Variants in NAF1 observed in about 807,000 individuals in gnomAD.
NAF1 encodes nuclear assembly factor 1 ribonucleoprotein.
Under a neutral mutation model 40.6 loss-of-function variants are expected in NAF1, and 11 were observed. The ratio of observed to expected loss-of-function variants is 0.27; its 90% CI spans 0.17 to 0.45. The LOEUF (loss-of-function observed/expected upper bound fraction) is 0.45. Ranked by LOEUF, NAF1 falls within the 20% of genes least tolerant of loss-of-function variation. NAF1 has a pLI of 1.00. For synonymous variants in NAF1, 260 were observed against 228.5 expected (o/e 1.14, Z -1.24); for missense variants, 607 against 611.1 (o/e 0.99, Z 0.07).
chr4:163,133,313 T>C (rs994727051), intron 6 of NAF1, 57 bp from the exon 7 acceptor site: 1 of 1,353,970 alleles, frequency 7.4e-7, no homozygotes. Context: ...AATTCAATAG[T>C]ACATACTTGG....
downstream of NAF1, chr4:163,127,127 A>T: frequency 6.5e-7 from 1 of 1,549,570 alleles, no homozygotes. Context: ...TGGGGTAAAG[A>T]AATGGACAGA....
chr4:163,140,304 C>T lies in NAF1; in HGVS notation c.797G>A (p.Gly266Asp), dbSNP rs751378645. The change falls in exon 5 of 8, where the codon GGT (glycine) becomes GAT (aspartate). Residue 266 changes from glycine to aspartate, a missense_variant. By Grantham distance (94) the Gly-to-Asp change is moderately conservative. This residue lies in a region of NAF1 where 407 missense variants were observed against 365.5 expected (regional missense o/e 1.11). Coordinates refer to ENST00000274054, the MANE Select transcript of NAF1 (RefSeq NM_138386.3). Reference protein sequence around the residue: ...FNSSDHIESKGIKIKETMYFA... With the variant: ...FNSSDHIESKDIKIKETMYFA... ...ATACATAGTCTCCTTTATTTTAATA[C>T]CTTTACTCTCAATGTGATCTGAAGA... 1.9e-6 allele frequency: 3 copies of T among 1,608,616 alleles called. No homozygotes were observed. In the African/African-American group the frequency reaches 4.0e-5, roughly 22 times the overall value.
At chr4:163,161,665 A>G (rs949776491) in intron 2 of NAF1, among the ~76,000 whole-genome samples, 11 of 152,166 alleles carry the variant, frequency 7.2e-5, no homozygotes, top group Non-Finnish European at 1.6e-4. Flanking sequence ...CTGAGGTAAT[A>G]TGAGTCTCTG....
At chr4:163,132,708 T>A (rs1012756775) in intron 7 of NAF1, among the ~76,000 whole-genome samples, 7 of 152,204 alleles carry the variant, frequency 4.6e-5, no homozygotes, top group Non-Finnish European at 7.3e-5. Flanking sequence ...TGCAAGATGT[T>A]GCAACTGGGG....
At chr4:163,110,800 T>C (rs1415866611) in intron 2 of NAF1, among the ~76,000 whole-genome samples, 1 of 152,196 alleles carries the variant, frequency 6.6e-6, no homozygotes, top group Non-Finnish European at 1.5e-5. Flanking sequence ...CTCTAGCACT[T>C]TGTAGCGTAG....
At chr4:163,151,600 A>G (rs1224799722) in intron 2 of NAF1, among the ~76,000 whole-genome samples, 1 of 152,126 alleles carries the variant, frequency 6.6e-6, no homozygotes. Flanking sequence ...GATCTAGTTC[A>G]GTGTCAGTAC....
chr4:163,139,429 C>T (rs1205857904), intron 5 of NAF1, among the ~76,000 whole-genome samples: 1 of 151,924 alleles, frequency 6.6e-6, no homozygotes, highest in African/African-American at 2.4e-5. Context: ...TTCATTACAT[C>T]ATTCGAAAGC....
chr4:163,164,904 C>T (rs1311455881), intron 1 of NAF1, among the ~76,000 whole-genome samples: 5 of 152,188 alleles, frequency 3.3e-5, no homozygotes, highest in African/African-American at 4.8e-5. Flanking sequence ...TCCTTATCTT[C>T]CACAGAAATT....
chr4:163,123,850 A>T (rs1180217321), downstream of NAF1, among the ~76,000 whole-genome samples: 2 of 152,252 alleles, frequency 1.3e-5, no homozygotes. Flanking sequence ...TTCTCCATAG[A>T]AAGTGAGAAA....
Position 163,129,007 on chromosome 4 carries a change from G to T in NAF1, c.1375C>A (p.His459Asn). The part of the protein sequence containing the change: ...MGWATPNMAA[H>N]PLLNLPYSLP... ...GAGTATGGTAAGTTAAGTAATGGAT[G>T]AGCAGCCATGTTTGGTGTAGCCCAA... is the stretch of plus-strand genomic sequence containing the variant. The change falls in exon 8 of 8, where the codon CAT (histidine) becomes AAT (asparagine). Residue 459 changes from histidine (H) to asparagine (N), a missense_variant. Coordinates refer to ENST00000274054, the MANE Select transcript of NAF1 (RefSeq NM_138386.3). The T allele has an allele frequency of 6.9e-7, 1 of 1,447,364 alleles. No homozygotes were observed. The highest frequency in any genetic ancestry group is 9.2e-7 in the Non-Finnish European group (1 of 1,083,816). 89.7% of individuals were successfully genotyped at this position (1,447,364 alleles called of 1,614,324 possible).
intron 5 of NAF1, among the ~76,000 whole-genome samples, chr4:163,137,996 T>TCTTTTTAATTTTGTTA (rs2110921145): frequency 6.6e-6 from 1 of 152,306 alleles, no homozygotes; most frequent in South Asian, 2.1e-4. Context: ...TCATTTTTAA[T>TCTTTTTAATTTTGTTA]CTTTTTAATT....
At chr4:163,139,156 C>G (rs949604413) in intron 5 of NAF1, among the ~76,000 whole-genome samples, 3 of 152,012 alleles carry the variant, frequency 2.0e-5, no homozygotes, top group Non-Finnish European at 2.9e-5. Flanking sequence ...TATAAGTAAT[C>G]TTCTTATGCC....
At chr4:163,155,628 A>G (rs1731955862) in intron 2 of NAF1, among the ~76,000 whole-genome samples, 1 of 152,220 alleles carries the variant, frequency 6.6e-6, no homozygotes, top group African/African-American at 2.4e-5. Context: ...TTGCAGTAGC[A>G]AACATTATTA....
intron 4 of NAF1, among the ~76,000 whole-genome samples, chr4:163,141,474 C>T (rs1428745430): frequency 6.6e-6 from 1 of 151,712 alleles, no homozygotes; most frequent in Admixed American, 6.6e-5. Flanking sequence ...TGTATACTGC[C>T]CCCTTTTAAA....
chr4:163,135,727 T>G (rs1394903487), intron 6 of NAF1: 4 of 152,208 alleles, frequency 2.6e-5, no homozygotes, highest in Non-Finnish European at 5.9e-5. Flanking sequence ...AGGCAGAGTT[T>G]GCGGTGAGCT....
chr4:163,117,607 A>G (rs1350954440), intron 2 of NAF1: 1 of 151,338 alleles, frequency 6.6e-6, no homozygotes, highest in Non-Finnish European at 1.5e-5. Flanking sequence ...AGTAGAGAAA[A>G]CCAGAAAGGG....
intron 4 of NAF1, among the ~76,000 whole-genome samples, chr4:163,142,907 C>T (rs888212179): frequency 1.3e-5 from 2 of 152,204 alleles, no homozygotes; most frequent in African/African-American, 4.8e-5. Flanking sequence ...AGGAGGCACC[C>T]ATATCCCTTC....
At chr4:163,146,200 C>T (rs1419023084) in intron 3 of NAF1, among the ~76,000 whole-genome samples, 4 of 152,144 alleles carry the variant, frequency 2.6e-5, no homozygotes, top group Non-Finnish European at 4.4e-5. Flanking sequence ...AGTGTAATCA[C>T]GTTTAGTTGT....
chr4:163,145,724 T>C, intron 4 of NAF1, 58 bp downstream of exon 4: 1 of 1,142,276 alleles, frequency 8.8e-7, no homozygotes, highest in South Asian at 1.4e-5. Flanking sequence ...ATGGGGAAAG[T>C]CAGAAAAAAA....
Sources: gnomAD v4.1 joint callset for allele counts (sites outside exome capture counted in the v4.1 genomes callset) on GRCh38, gnomAD v4.1.1 for gene constraint, gnomAD v4.1.1 regional missense constraint, MANE v1.5 for transcripts, NCBI Gene and HGNC (gene_info 2026-07-23, HGNC 2026-07-21) for gene names.